Variants in KCTD10 observed in about 807,000 individuals in gnomAD.
The protein encoded by KCTD10 is BTB/POZ domain-containing adapter for CUL3-mediated RhoA degradation protein 3.
In KCTD10, 13 loss-of-function variants were observed where a neutral mutation model predicts 34.6. That is an observed-to-expected ratio of 0.38 (90% CI 0.24 to 0.60). The LOEUF (loss-of-function observed/expected upper bound fraction) is 0.60, where lower values mean the gene tolerates loss of function less well. KCTD10 is among the 20% of genes least tolerant of loss of function. The pLI is 0.66. For synonymous variants in KCTD10, 156 were observed against 168.8 expected (o/e 0.92, Z 0.59); for missense variants, 256 against 420.3 (o/e 0.61, Z 3.42).
In KCTD10 at chr12:109,450,927, A is replaced by T. The variant is rs118106263; in HGVS notation, c.*668T>A. On this transcript the variant is annotated 3_prime_UTR_variant, in exon 7 of 7. Transcript: ENST00000228495. ...CAAGGTGGCAAAAGGCTTGATCCCTAAACAAAGCCTTGCACCCAAAGTTGC... is the reference window on the plus strand; with the variant it reads ...CAAGGTGGCAAAAGGCTTGATCCCTTAACAAAGCCTTGCACCCAAAGTTGC... 3.6e-3 allele frequency: 544 copies of T among 152,758 alleles called. 3 individuals carry two copies. Among genetic ancestry groups the T allele is most frequent in the Middle Eastern group, 0.01 (3 of 298 alleles). The allele number at this position is 152,758 out of a possible 1,614,324, so 9.5% of individuals were successfully genotyped here.
At chr12:109,456,631 A>AG in intron 5 of KCTD10, 1 of 409,076 alleles carries the variant, frequency 2.4e-6, no homozygotes, top group Non-Finnish European at 4.6e-6. Context: ...CACCAGGTGG[A>AG]GGAGAGCACC....
intron 2 of KCTD10, among the ~76,000 whole-genome samples, chr12:109,462,390 G>T (rs1177536299): frequency 6.6e-6 from 1 of 152,202 alleles, no homozygotes; most frequent in African/African-American, 2.4e-5. Context: ...TACCCCAAGT[G>T]GGGGGAAATG....
chr12:109,461,642 C>T (rs1257181067), intron 2 of KCTD10, among the ~76,000 whole-genome samples: 2 of 152,140 alleles, frequency 1.3e-5, no homozygotes, highest in African/African-American at 4.8e-5. Flanking sequence ...TGCAGTGTCT[C>T]TGGGAGTGGT....
chr12:109,464,136 A>G lies in KCTD10; in HGVS notation c.218-3331T>C, dbSNP rs61941583. Among the ~76,000 whole-genome samples, 1,140 of 152,140 alleles carry G rather than the reference A, an allele frequency of 7.5e-3. 8 individuals are homozygous for G. Among genetic ancestry groups the G allele is most frequent in the Non-Finnish European group, 0.014 (920 of 67,992 alleles). The stretch of plus-strand genomic sequence containing the variant: ...CACCACCTCCAGGGAACCTTCACTG[A>G]CCTCTCTTTGCCATCCTAAGGTATT... On this transcript the variant is annotated intron_variant, in intron 2 of 6. Coordinates refer to ENST00000228495, the MANE Select transcript of KCTD10 (RefSeq NM_031954.5).
At chr12:109,463,962 G>A (rs1873474742) in intron 2 of KCTD10, among the ~76,000 whole-genome samples, 2 of 152,348 alleles carry the variant, frequency 1.3e-5, no homozygotes, top group East Asian at 1.9e-4. Flanking sequence ...CCAGGATGGA[G>A]TTGGTGTTGC....
Position 109,451,953 on chromosome 12 carries a change from G to T in KCTD10, c.724-140C>A, listed in dbSNP as rs1035007406. ...CACCAGTATTATTTTTAAATAAACT[G>T]ATATTTTCAATGGCAACACTTACAT... is the stretch of plus-strand genomic sequence containing the variant. On this transcript the variant is annotated intron_variant, in intron 6 of 6. Coordinates refer to ENST00000228495, the MANE Select transcript of KCTD10 (RefSeq NM_031954.5). This position sits in a 1 kb window ranked among gnomAD's most constrained non-coding sequence, Gnocchi z 5.0. 3 of 633,440 alleles carry T rather than the reference G, an allele frequency of 4.7e-6. No individual in the cohort carries two copies. Among genetic ancestry groups the T allele is most frequent in the Admixed American group, 3.8e-5 (1 of 26,258 alleles). The allele number at this position is 633,440 out of a possible 1,614,324, so 39.2% of individuals were successfully genotyped here.
Position 109,460,361 on chromosome 12 carries a change from G to A in KCTD10, c.387+275C>T, listed in dbSNP as rs776372686. ...CCGAACACCGACCAAGTTTCACACC[G>A]CGGGGTTCTCTGCTGAAGGGTTGAG... On this transcript the variant is annotated intron_variant, in intron 3 of 6. Transcript: ENST00000228495. This position sits in a 1 kb window ranked among gnomAD's most constrained non-coding sequence, Gnocchi z 4.5. The A allele has an allele frequency of 2.0e-5, 8 of 390,782 alleles. No individual in the cohort carries two copies. Among genetic ancestry groups the A allele is most frequent in the Admixed American group, 4.1e-5 (1 of 24,440 alleles). The allele number at this position is 390,782 out of a possible 1,614,324, so 24.2% of individuals were successfully genotyped here.
At position 109,451,549 on chromosome 12, in the gene KCTD10, AG is replaced by A; in HGVS notation, c.*45del. 1 of 1,546,768 alleles carries A rather than the reference AG, an allele frequency of 6.5e-7. No individual in the cohort carries two copies. On this transcript the variant is annotated 3_prime_UTR_variant, in exon 7 of 7. Transcript: ENST00000228495. The surrounding 1 kb of genome is among the most constrained non-coding windows in gnomAD (Gnocchi z 5.0). ...GCACAGGATCTGGGTGTAGCACGGC[AG>A]GGAGTGGGGGCGGTGAGAGGAGGGC...
At chr12:109,464,895 AG>A (rs1249828652) in intron 2 of KCTD10, 1 of 454,660 alleles carries the variant, frequency 2.2e-6, no homozygotes, top group Admixed American at 2.4e-5. Flanking sequence ...GCAATATCTA[AG>A]GAAGTAGAAG....
rs748145808 is a variant in KCTD10, at chr12:109,451,831, A to G, written c.724-18T>C. On this transcript the variant is annotated intron_variant, in intron 6 of 6. Coordinates refer to ENST00000228495, the MANE Select transcript of KCTD10 (RefSeq NM_031954.5). The surrounding 1 kb of genome is among the most constrained non-coding windows in gnomAD (Gnocchi z 5.0). Reference sequence around the variant, plus strand: ...AACTCCACCTGTGTTCCCACAGTATACAGGGCAGGTAAGTTATGGCCCACC... The same window carrying G: ...AACTCCACCTGTGTTCCCACAGTATGCAGGGCAGGTAAGTTATGGCCCACC... 1 of 1,601,630 alleles carries G rather than the reference A, an allele frequency of 6.2e-7. No homozygotes were observed. The highest frequency in any genetic ancestry group is 1.1e-5 in the South Asian group (1 of 89,478).
intron 1 of KCTD10, among the ~76,000 whole-genome samples, chr12:109,476,456 C>T (rs150147421): frequency 3.3e-4 from 50 of 152,272 alleles, no homozygotes; most frequent in Middle Eastern, 3.4e-3. Context: ...CAATGAGCTA[C>T]TCAGGGAACA....
At chr12:109,461,459 G>A (rs1177450012) in intron 2 of KCTD10, among the ~76,000 whole-genome samples, 2 of 152,112 alleles carry the variant, frequency 1.3e-5, no homozygotes, top group African/African-American at 4.8e-5. Context: ...AGCTTTTATT[G>A]GATATGGAAA....
chr12:109,468,647 CTTTGCCTTTTTTTTTTT>C (rs1592846156), intron 2 of KCTD10, among the ~76,000 whole-genome samples: 2 of 141,744 alleles, frequency 1.4e-5, no homozygotes, highest in East Asian at 4.1e-4. Context: ...CTCAACAATT[CTTTGCCTTTTTTTTTTT>C]TTTTTTGAGA....
Position 109,460,646 on chromosome 12 carries a change from G to T in KCTD10, c.377C>A (p.Ala126Glu). Reference protein sequence around the residue: ...LVQGLVEECQAALQNKDTYEP... With the variant: ...LVQGLVEECQEALQNKDTYEP... Reference sequence around the variant, plus strand: ...AAGGGTGATGCCTACTTGTAGGGCCGCCTGGCACTCTTCCACCAGGCCTTG... The same window carrying T: ...AAGGGTGATGCCTACTTGTAGGGCCTCCTGGCACTCTTCCACCAGGCCTTG... The change falls in exon 3 of 7, where the codon GCG becomes GAG. Residue 126 changes from alanine (A) to glutamate (E), a missense_variant. Ala to Glu is a moderately radical substitution (Grantham distance 107, BLOSUM62 -1). Around this residue, in one of 3 missense-constraint regions of KCTD10, gnomAD observed 155 missense variants for 207.0 expected, o/e 0.75. Coordinates refer to ENST00000228495, the MANE Select transcript of KCTD10 (RefSeq NM_031954.5). This position sits in a 1 kb window ranked among gnomAD's most constrained non-coding sequence, Gnocchi z 4.5. 6.2e-7 allele frequency: 1 copy of T among 1,613,764 alleles called. No homozygotes were observed. Among genetic ancestry groups the T allele is most frequent in the Non-Finnish European group, 8.5e-7 (1 of 1,179,814 alleles).
chr12:109,451,333 A>C lies in KCTD10; in HGVS notation c.*262T>G, dbSNP rs926144921. Reference sequence around the variant, plus strand: ...CATACTTTTCCTCTGAGAACCGAGAAAGCCTGGCTCCAAAGAGTCTCAGAT... The same window carrying C: ...CATACTTTTCCTCTGAGAACCGAGACAGCCTGGCTCCAAAGAGTCTCAGAT... On this transcript the variant is annotated 3_prime_UTR_variant, in exon 7 of 7. Coordinates refer to ENST00000228495, the MANE Select transcript of KCTD10 (RefSeq NM_031954.5). This position sits in a 1 kb window ranked among gnomAD's most constrained non-coding sequence, Gnocchi z 5.0. The C allele has an allele frequency of 4.3e-6, 2 of 464,546 alleles. No individual in the cohort carries two copies. The highest frequency in any genetic ancestry group is 4.0e-5 in the African/African-American group (2 of 50,450). The allele number at this position is 464,546 out of a possible 1,614,324, so 28.8% of individuals were successfully genotyped here. A position where few individuals can be genotyped will look rare whatever the true frequency, so the allele number is the denominator to read the frequency against.
chr12:109,460,544 G>A lies in KCTD10; in HGVS notation c.387+92C>T. The stretch of plus-strand genomic sequence containing the variant: ...ACTCTCACAACATCTCAGTCAGACA[G>A]AAACTGCCCCCATTTTGCAGAGAGG... On this transcript the variant is annotated intron_variant, in intron 3 of 6. Coordinates refer to ENST00000228495, the MANE Select transcript of KCTD10 (RefSeq NM_031954.5). The surrounding 1 kb of genome is among the most constrained non-coding windows in gnomAD (Gnocchi z 4.5). 3.7e-6 allele frequency: 5 copies of A among 1,357,736 alleles called. No individual in the cohort carries two copies. The South Asian group carries it at 6.7e-5, about 18-fold the overall frequency. The allele number at this position is 1,357,736 out of a possible 1,614,324, so 84.1% of individuals were successfully genotyped here. A position where few individuals can be genotyped will look rare whatever the true frequency, so the allele number is the denominator to read the frequency against.
rs150960138 is a variant in KCTD10 at position 109,469,929 on chromosome 12, G to A, written c.4-201C>T. On this transcript the variant is annotated intron_variant, in intron 1 of 6. Transcript: ENST00000228495. Reference sequence around the variant, plus strand: ...CTTCTCCTAAAATCAGAGGCCAACTGGGCTAGCAGGGGAACAACTGGTCAG... The same window carrying A: ...CTTCTCCTAAAATCAGAGGCCAACTAGGCTAGCAGGGGAACAACTGGTCAG... 218 of 1,261,098 alleles carry A rather than the reference G, an allele frequency of 1.7e-4. 1 individual carries two copies. The African/African-American group carries it at 3.0e-3, about 17-fold the overall frequency. The allele number at this position is 1,261,098 out of a possible 1,614,324, so 78.1% of individuals were successfully genotyped here. A position where few individuals can be genotyped will look rare whatever the true frequency, so the allele number is the denominator to read the frequency against.
chr12:109,465,822 T>G (rs2135669636), intron 2 of KCTD10, among the ~76,000 whole-genome samples: 1 of 152,344 alleles, frequency 6.6e-6, no homozygotes, highest in South Asian at 2.1e-4. Flanking sequence ...CAGACTGGAC[T>G]TCCCAGTTTT....
chr12:109,470,413 C>T lies in KCTD10; in HGVS notation c.4-685G>A, dbSNP rs578036738. ...TGCCCAAAAGAGCAAGATCCCACTA[C>T]CATCTCCCTGATAGCATGGCTGACT... On this transcript the variant is annotated intron_variant, in intron 1 of 6. Transcript: ENST00000228495. 7.1e-6 allele frequency: 7 copies of T among 985,546 alleles called. No individual in the cohort carries two copies. In the East Asian group the frequency reaches 7.9e-4, roughly 112 times the overall value. The allele number at this position is 985,546 out of a possible 1,614,324, so 61.1% of individuals were successfully genotyped here.
Sources: allele counts gnomAD v4.1 joint callset (sites outside exome capture counted in the v4.1 genomes callset), GRCh38; gene constraint gnomAD v4.1.1; regional missense constraint gnomAD v4.1.1; non-coding constraint Gnocchi (gnomAD v3.1); transcripts MANE v1.5; gene names NCBI Gene and HGNC (gene_info 2026-07-23, HGNC 2026-07-21).